Variants in BMP5 observed in about 807,000 individuals in gnomAD.
BMP5 encodes the protein bone morphogenetic protein 5.
A neutral mutation model predicts 46.6 loss-of-function variants in BMP5; 23 were observed. That is an observed-to-expected ratio of 0.49 (90% CI 0.35 to 0.70). The LOEUF (loss-of-function observed/expected upper bound fraction) is 0.70. Among genes scored for constraint, BMP5 ranks in the 30% least tolerant of loss-of-function variants. The pLI, the probability that BMP5 is intolerant of heterozygous loss-of-function variation, is 0.00. For synonymous variants in BMP5, 204 were observed against 191.9 expected (o/e 1.06, Z -0.52); for missense variants, 545 against 565.6 (o/e 0.96, Z 0.37).
At chr6:55,776,678 T>C (rs1018982792) in intron 3 of BMP5, among the ~76,000 whole-genome samples, 3 of 149,752 alleles carry the variant, frequency 2.0e-5, no homozygotes, top group Non-Finnish European at 3.0e-5. Flanking sequence ...ATCTTTCTAA[T>C]ACTGAAATAG....
chr6:55,870,201 GAAAAAAA>G lies in BMP5; in HGVS notation c.490+4168_490+4174del, dbSNP rs554039115. Among the ~76,000 whole-genome samples, 669 of 110,882 alleles carry G rather than the reference GAAAAAAA, an allele frequency of 6.0e-3. 5 individuals are homozygous for G. Among genetic ancestry groups the G allele is most frequent in the Middle Eastern group, 0.028 (6 of 212 alleles). 72.7% of individuals were successfully genotyped at this position (110,882 alleles called of 152,430 possible). ...TATTTGTGAGTAACCACTACAATTT[GAAAAAAA>G]AAAAAAAAGCATTTAATTAAACTAT... is the stretch of plus-strand genomic sequence containing the variant. On this transcript the variant is annotated intron_variant, in intron 1 of 6. Transcript: ENST00000370830.
At chr6:55,841,916 C>CAGAGAA (rs1554185306) in intron 1 of BMP5, among the ~76,000 whole-genome samples, 1 of 146,844 alleles carries the variant, frequency 6.8e-6, no homozygotes, top group Non-Finnish European at 1.5e-5. Flanking sequence ...GAGAGAGAGA[C>CAGAGAA]AGAGAGAGAG....
chr6:55,835,184 A>G (rs1188003681), intron 1 of BMP5, among the ~76,000 whole-genome samples: 1 of 152,204 alleles, frequency 6.6e-6, no homozygotes, highest in Non-Finnish European at 1.5e-5. Flanking sequence ...ATTAGCAGAA[A>G]AATATTTACC....
At chr6:55,779,147 G>T (rs962661769) in intron 3 of BMP5, among the ~76,000 whole-genome samples, 2 of 152,016 alleles carry the variant, frequency 1.3e-5, no homozygotes, top group African/African-American at 4.8e-5. Context: ...AGGATAAGTG[G>T]TTCCAAATAT....
intron 4 of BMP5, among the ~76,000 whole-genome samples, chr6:55,769,530 A>C (rs1470350436): frequency 6.6e-6 from 1 of 151,844 alleles, no homozygotes; most frequent in African/African-American, 2.4e-5. Flanking sequence ...TCCTCCACTG[A>C]AGTCTTGAAC....
intron 3 of BMP5, among the ~76,000 whole-genome samples, chr6:55,791,933 G>A (rs1191031774): frequency 6.6e-6 from 1 of 152,146 alleles, no homozygotes; most frequent in Non-Finnish European, 1.5e-5. Flanking sequence ...CCTCCCCAGT[G>A]CCAATTTCCC....
chr6:55,776,573 C>T (rs530357153), intron 3 of BMP5, among the ~76,000 whole-genome samples: 3 of 150,802 alleles, frequency 2.0e-5, no homozygotes, highest in African/African-American at 7.3e-5. Context: ...TTTGACGAAG[C>T]TTTTATTTTG....
At chr6:55,834,805 G>T (rs1776750187) in intron 1 of BMP5, among the ~76,000 whole-genome samples, 1 of 152,164 alleles carries the variant, frequency 6.6e-6, no homozygotes, top group African/African-American at 2.4e-5. Flanking sequence ...TGGAGGCCAG[G>T]TGCAGCGGCT....
chr6:55,821,714 G>GTGATAGTGCAGACTGCCA (rs749286153), intron 1 of BMP5, among the ~76,000 whole-genome samples: 3 of 152,050 alleles, frequency 2.0e-5, no homozygotes, highest in African/African-American at 2.4e-5. Context: ...CTTGTCTCTG[G>GTGATAGTGCAGACTGCCA]TGATAGTGCA....
chr6:55,794,487 A>G, intron 2 of BMP5, 60 bp from the exon 3 acceptor site: 1 of 1,536,058 alleles, frequency 6.5e-7, no homozygotes, highest in African/African-American at 1.4e-5. Context: ...ATTATTTCCT[A>G]GACTTAAGTG....
chr6:55,799,501 T>C (rs1317420384), intron 2 of BMP5, among the ~76,000 whole-genome samples: 1 of 152,210 alleles, frequency 6.6e-6, no homozygotes, highest in Non-Finnish European at 1.5e-5. Context: ...CTTCAACTAT[T>C]GACTGTCTTT....
chr6:55,772,800 C>G (rs1306952507), intron 4 of BMP5: 1 of 984,906 alleles, frequency 1.0e-6, no homozygotes, highest in African/African-American at 1.7e-5. Context: ...AGAAATCTTC[C>G]CTCCTGCTTC....
At chr6:55,830,924 G>T (rs1428584265) in intron 1 of BMP5, among the ~76,000 whole-genome samples, 1 of 152,030 alleles carries the variant, frequency 6.6e-6, no homozygotes, top group African/African-American at 2.4e-5. Context: ...TTCACATTCT[G>T]TGCTTTTGAG....
intron 1 of BMP5, among the ~76,000 whole-genome samples, chr6:55,863,769 C>T (rs1040203368): frequency 1.1e-4 from 17 of 152,100 alleles, no homozygotes; most frequent in South Asian, 2.1e-4. Context: ...CAACCAATTA[C>T]GTGTTTTCAG....
chr6:55,864,512 G>C (rs1777594508), intron 1 of BMP5, among the ~76,000 whole-genome samples: 1 of 151,980 alleles, frequency 6.6e-6, no homozygotes, highest in South Asian at 2.1e-4. Context: ...AACAGCATGA[G>C]ACACTCATCG....
chr6:55,863,027 T>C (rs1469858419), intron 1 of BMP5, among the ~76,000 whole-genome samples: 1 of 152,220 alleles, frequency 6.6e-6, no homozygotes, highest in Non-Finnish European at 1.5e-5. Flanking sequence ...ATTCTGGGCC[T>C]GGACCTGGCT....
chr6:55,797,456 CAT>C (rs970655514), intron 2 of BMP5, among the ~76,000 whole-genome samples: 23 of 152,002 alleles, frequency 1.5e-4, no homozygotes, highest in South Asian at 4.2e-4. Context: ...AAAGAAAAAA[CAT>C]ATTTATTTGT....
intron 1 of BMP5, among the ~76,000 whole-genome samples, chr6:55,824,019 G>A (rs558911028): frequency 3.3e-5 from 5 of 151,708 alleles, no homozygotes; most frequent in East Asian, 1.9e-4. Context: ...GTGATTCACC[G>A]GCAGAATTCC....
intron 4 of BMP5, among the ~76,000 whole-genome samples, chr6:55,760,836 C>G (rs753071515): frequency 4.5e-4 from 68 of 151,910 alleles, no homozygotes; most frequent in Non-Finnish European, 8.5e-4. Flanking sequence ...TGAGTACCAT[C>G]TGCTCAATGA....
Sources: gnomAD v4.1 joint callset for allele counts (sites outside exome capture counted in the v4.1 genomes callset) on GRCh38, gnomAD v4.1.1 for gene constraint, MANE v1.5 for transcripts, NCBI Gene and HGNC (gene_info 2026-07-23, HGNC 2026-07-21) for gene names.